Variants in SCAPER observed in about 807,000 individuals in gnomAD.
The protein encoded by SCAPER is S-phase cyclin A associated protein in the ER.
Under a neutral mutation model 182.2 loss-of-function variants are expected in SCAPER, and 98 were observed. The ratio of observed to expected loss-of-function variants is 0.54; its 90% CI spans 0.46 to 0.64. SCAPER has a LOEUF of 0.64. Ranked by LOEUF, SCAPER falls within the 30% of genes least tolerant of loss-of-function variation. The pLI is 0.00. For synonymous variants in SCAPER, 605 were observed against 564.6 expected (o/e 1.07, Z -1.01); for missense variants, 1,432 against 1,690.0 (o/e 0.85, Z 2.68).
chr15:76,691,175 T>G (rs2058334987), intron 20 of SCAPER, among the ~76,000 whole-genome samples: 1 of 152,018 alleles, frequency 6.6e-6, no homozygotes, highest in African/African-American at 2.4e-5. Context: ...AAATGCTCAG[T>G]GGACAGACAC....
chr15:76,731,684 A>G (rs937929862), intron 16 of SCAPER, among the ~76,000 whole-genome samples: 5 of 152,184 alleles, frequency 3.3e-5, no homozygotes, highest in Non-Finnish European at 7.4e-5. Context: ...CTGACTATCT[A>G]TCTCAGTATA....
At chr15:76,820,756 A>T (rs910586629) in intron 5 of SCAPER, among the ~76,000 whole-genome samples, 2 of 151,876 alleles carry the variant, frequency 1.3e-5, no homozygotes, top group African/African-American at 2.4e-5. Flanking sequence ...AAAATTTTTT[A>T]AAAAAGAAAA....
intron 22 of SCAPER, among the ~76,000 whole-genome samples, chr15:76,574,626 T>C (rs547860778): frequency 6.6e-6 from 1 of 152,266 alleles, no homozygotes; most frequent in South Asian, 2.1e-4. Flanking sequence ...AGAAAATGAG[T>C]ATAAGAACCT....
chr15:76,556,725 A>C (rs1420808935), intron 23 of SCAPER, among the ~76,000 whole-genome samples: 2 of 152,072 alleles, frequency 1.3e-5, no homozygotes, highest in Non-Finnish European at 2.9e-5. Flanking sequence ...AAATTGAATC[A>C]GTAATAAGCC....
At chr15:76,614,013 T>C (rs549680595) in intron 22 of SCAPER, among the ~76,000 whole-genome samples, 1 of 152,230 alleles carries the variant, frequency 6.6e-6, no homozygotes, top group Non-Finnish European at 1.5e-5. Flanking sequence ...CCACAAATGA[T>C]AGACTGGATA....
intron 23 of SCAPER, among the ~76,000 whole-genome samples, chr15:76,570,580 C>G (rs1444130387): frequency 1.3e-5 from 2 of 152,012 alleles, no homozygotes; most frequent in African/African-American, 2.4e-5. Context: ...AATTTTCAAG[C>G]TTACCTTTTA....
intron 22 of SCAPER, among the ~76,000 whole-genome samples, chr15:76,611,962 C>T (rs2051039596): frequency 6.6e-6 from 1 of 152,110 alleles, no homozygotes; most frequent in Non-Finnish European, 1.5e-5. Flanking sequence ...TAAGAGCCAT[C>T]TATAACAAAC....
At chr15:76,793,503 A>C (rs937532507) in intron 8 of SCAPER, 2 of 482,932 alleles carry the variant, frequency 4.1e-6, no homozygotes, top group African/African-American at 4.0e-5. Flanking sequence ...CCAATGGTTT[A>C]ATCAATCATG....
chr15:76,729,948 C>T (rs911145349), intron 16 of SCAPER, among the ~76,000 whole-genome samples: 1 of 152,070 alleles, frequency 6.6e-6, no homozygotes, highest in Non-Finnish European at 1.5e-5. Context: ...AGCCTCTCCT[C>T]TATAATTAAT....
chr15:76,723,224 T>C (rs116811948), intron 17 of SCAPER, among the ~76,000 whole-genome samples: 1 of 152,240 alleles, frequency 6.6e-6, no homozygotes, highest in African/African-American at 2.4e-5. Flanking sequence ...TCAGTTTCCA[T>C]GAAGTTTAGC....
chr15:76,725,950 C>G (rs1598391079), intron 17 of SCAPER, among the ~76,000 whole-genome samples: 1 of 145,452 alleles, frequency 6.9e-6, no homozygotes, highest in African/African-American at 2.5e-5. Context: ...TTGAATATGA[C>G]AAAAAAAAAG....
At chr15:76,737,439 T>C (rs2061331293) in intron 15 of SCAPER, among the ~76,000 whole-genome samples, 1 of 152,228 alleles carries the variant, frequency 6.6e-6, no homozygotes, top group Non-Finnish European at 1.5e-5. Context: ...AACAATGCTA[T>C]AAACAGATGT....
intron 8 of SCAPER, among the ~76,000 whole-genome samples, chr15:76,776,653 TC>T (rs746354765): frequency 1.3e-5 from 2 of 152,098 alleles, no homozygotes; most frequent in Non-Finnish European, 2.9e-5. Flanking sequence ...GGAGCCAGGA[TC>T]CCACCCCAAC....
chr15:76,794,498 G>A (rs1322444349), intron 8 of SCAPER, among the ~76,000 whole-genome samples: 1 of 151,878 alleles, frequency 6.6e-6, no homozygotes, highest in African/African-American at 2.4e-5. Context: ...AACTTACTGA[G>A]AAAAAAATGA....
chr15:76,364,757 C>T (rs1224144292), intron 29 of SCAPER, among the ~76,000 whole-genome samples: 1 of 152,088 alleles, frequency 6.6e-6, no homozygotes, highest in Non-Finnish European at 1.5e-5. Flanking sequence ...TTCTCCATAT[C>T]CGGGACTTTG....
At chr15:76,421,065 G>A (rs1329993618) in intron 26 of SCAPER, among the ~76,000 whole-genome samples, 2 of 152,142 alleles carry the variant, frequency 1.3e-5, no homozygotes, top group Admixed American at 6.5e-5. Flanking sequence ...ATTGTGAATA[G>A]TGCCACAATA....
rs142318359 is a variant in SCAPER at position 76,355,179 on chromosome 15, A to G, written c.3856-1039T>C. On this transcript the variant is annotated intron_variant, in intron 29 of 31. Coordinates refer to ENST00000563290, the MANE Select transcript of SCAPER (RefSeq NM_020843.4). ...ACAAGTTTTCAAAGTACTTTTAACA[A>G]TACTTTAAGAACACACTCTCAGATG... is the stretch of plus-strand genomic sequence containing the variant. Among the ~76,000 whole-genome samples, 10 of 152,384 alleles carry G rather than the reference A, an allele frequency of 6.6e-5. No homozygotes were observed. In the East Asian group the frequency reaches 1.7e-3, roughly 26 times the overall value.
At chr15:76,370,699 G>A (rs1476147931) in intron 29 of SCAPER, among the ~76,000 whole-genome samples, 1 of 152,176 alleles carries the variant, frequency 6.6e-6, no homozygotes, top group Non-Finnish European at 1.5e-5. Flanking sequence ...TAGAGTCAGT[G>A]ATGTTCAAAC....
chr15:76,497,432 T>C (rs1341689616), intron 24 of SCAPER, among the ~76,000 whole-genome samples: 1 of 151,898 alleles, frequency 6.6e-6, no homozygotes, highest in Non-Finnish European at 1.5e-5. Context: ...ATGGATGGCA[T>C]AAAACATAGC....
Sources: allele counts gnomAD v4.1 joint callset (sites outside exome capture counted in the v4.1 genomes callset), GRCh38; gene constraint gnomAD v4.1.1; transcripts MANE v1.5; gene names NCBI Gene and HGNC (gene_info 2026-07-23, HGNC 2026-07-21).